The following PAX5 variants were observed in gnomAD, a reference collection of about 807,000 sequenced individuals.
The protein encoded by PAX5 is paired box protein Pax-5.
Under a neutral mutation model 43.7 loss-of-function variants are expected in PAX5, and 9 were observed. The observed-to-expected ratio is 0.21, with a 90% CI of 0.12 to 0.36. The LOEUF is 0.36. PAX5 is among the 10% of genes least tolerant of loss of function. The probability of loss-of-function intolerance (pLI) is 1.00; values close to 1 mark genes in which losing one functional copy is unlikely to be tolerated. For synonymous variants in PAX5, 228 were observed against 214.3 expected, an observed-to-expected ratio of 1.06 and a Z score of -0.56; for missense variants, 383 against 532.7, an observed-to-expected ratio of 0.72 and a Z score of 2.77.
At chr9:36,861,821 C>T (rs889783995) in intron 8 of PAX5, among the ~76,000 whole-genome samples, 4 of 151,974 alleles carry the variant, frequency 2.6e-5, no homozygotes, top group Non-Finnish European at 2.9e-5. Flanking sequence ...ACAGGAGGGA[C>T]GTGTCCTGAC....
chr9:36,871,836 A>G (rs1394415685), intron 8 of PAX5, among the ~76,000 whole-genome samples: 1 of 152,158 alleles, frequency 6.6e-6, no homozygotes, highest in East Asian at 1.9e-4. Context: ...AGCACTGCAC[A>G]CTTCCCAGGC....
chr9:36,895,970 C>A (rs992516187), intron 7 of PAX5, among the ~76,000 whole-genome samples: 7 of 152,136 alleles, frequency 4.6e-5, no homozygotes, highest in African/African-American at 1.7e-4. Flanking sequence ...GACTAGGAGT[C>A]AGAAAACCCC....
At chr9:37,028,665 A>G (rs1330451272) in intron 1 of PAX5, among the ~76,000 whole-genome samples, 1 of 152,208 alleles carries the variant, frequency 6.6e-6, no homozygotes, top group Non-Finnish European at 1.5e-5. Context: ...TGAGAACCGA[A>G]TGAGCCAAGT....
chr9:37,000,399 C>T (rs1452819472), intron 5 of PAX5, among the ~76,000 whole-genome samples: 1 of 152,124 alleles, frequency 6.6e-6, no homozygotes. Flanking sequence ...GACTGGACTG[C>T]CCCCTAAGTC....
At chr9:36,849,447 G>A in intron 8 of PAX5, among the ~76,000 whole-genome samples, 1 of 152,198 alleles carries the variant, frequency 6.6e-6, no homozygotes, top group East Asian at 1.9e-4. Flanking sequence ...AGTTTTGTCT[G>A]TTCACGTGTT....
intron 8 of PAX5, among the ~76,000 whole-genome samples, chr9:36,865,955 C>G (rs1328956187): frequency 6.6e-6 from 1 of 152,226 alleles, no homozygotes; most frequent in Non-Finnish European, 1.5e-5. Flanking sequence ...CATCCTCGGG[C>G]AGGTGGGGTG....
chr9:36,848,931 T>C (rs1563887407), intron 8 of PAX5, among the ~76,000 whole-genome samples: 1 of 152,210 alleles, frequency 6.6e-6, no homozygotes, highest in Non-Finnish European at 1.5e-5. Context: ...CTTCATAGGA[T>C]GTGCCTAAGT....
At chr9:36,910,991 G>A (rs933330375) in intron 7 of PAX5, among the ~76,000 whole-genome samples, 10 of 152,184 alleles carry the variant, frequency 6.6e-5, no homozygotes, top group African/African-American at 2.2e-4. Flanking sequence ...TGTAATTTCT[G>A]CCAGAATGCC....
rs1318621855 is a variant in PAX5 at position 36,838,897 on chromosome 9, C to T, written c.*1663G>A. ...ACATGTGGCCAGGACCAGGACAAGACCTGCCTGGCCTGCTGATCCCAAGTC... is the reference window on the plus strand; with the variant it reads ...ACATGTGGCCAGGACCAGGACAAGATCTGCCTGGCCTGCTGATCCCAAGTC... On this transcript the variant is annotated 3_prime_UTR_variant, in exon 10 of 10. Coordinates refer to ENST00000358127, the MANE Select transcript of PAX5 (RefSeq NM_016734.3). The T allele has an allele frequency of 8.6e-6, 2 of 233,244 alleles. No individual in the cohort carries two copies. Among genetic ancestry groups the T allele is most frequent in the Non-Finnish European group, 1.7e-5 (2 of 118,112 alleles). 14.4% of individuals were successfully genotyped at this position (233,244 alleles called of 1,614,324 possible).
At chr9:36,842,044 C>T (rs1822107542) in intron 9 of PAX5, among the ~76,000 whole-genome samples, 1 of 152,182 alleles carries the variant, frequency 6.6e-6, no homozygotes, top group East Asian at 1.9e-4. Context: ...TCCCCATCAC[C>T]CCAAGGAGGC....
chr9:37,008,397 C>T (rs1365347789), intron 3 of PAX5, among the ~76,000 whole-genome samples: 1 of 152,226 alleles, frequency 6.6e-6, no homozygotes, highest in African/African-American at 2.4e-5. Context: ...ATGCAACATT[C>T]TGTGAGAAGC....
intron 7 of PAX5, among the ~76,000 whole-genome samples, chr9:36,920,803 C>CTTTT (rs58220286): frequency 2.2e-5 from 2 of 91,224 alleles, no homozygotes; most frequent in Non-Finnish European, 4.4e-5. Context: ...ATAGACATAG[C>CTTTT]TTTTTTTTTT....
chr9:36,882,728 C>T lies in PAX5; in HGVS notation c.911-623G>A, dbSNP rs572972689. Among the ~76,000 whole-genome samples, 41 of 152,354 alleles carry T rather than the reference C, an allele frequency of 2.7e-4. No homozygotes were observed. Among genetic ancestry groups the T allele is most frequent in the African/African-American group, 4.6e-4 (19 of 41,580 alleles). Reference sequence around the variant, plus strand: ...CATTCAGTGAAGATGCAGGAAGCACCTCCCAGTGCCAAACACTGTTCTGGC... The same window carrying T: ...CATTCAGTGAAGATGCAGGAAGCACTTCCCAGTGCCAAACACTGTTCTGGC... On this transcript the variant is annotated intron_variant, in intron 7 of 9. Coordinates refer to ENST00000358127, the MANE Select transcript of PAX5 (RefSeq NM_016734.3). The surrounding 1 kb of genome is among the most constrained non-coding windows in gnomAD (Gnocchi z 4.4).
intron 5 of PAX5, among the ~76,000 whole-genome samples, chr9:36,998,727 G>A (rs1837606810): frequency 6.6e-6 from 1 of 152,220 alleles, no homozygotes; most frequent in Non-Finnish European, 1.5e-5. Context: ...GTTTTGGTAG[G>A]ACTACATCTA....
intron 4 of PAX5, among the ~76,000 whole-genome samples, chr9:37,005,905 TGTCGG>T (rs1238568426): frequency 6.6e-6 from 1 of 152,230 alleles, no homozygotes; most frequent in Non-Finnish European, 1.5e-5. Context: ...ACTCCCACTC[TGTCGG>T]GTCACAGCCA....
intron 6 of PAX5, among the ~76,000 whole-genome samples, chr9:36,948,477 T>G (rs1415283429): frequency 2.6e-5 from 4 of 152,228 alleles, no homozygotes; most frequent in Non-Finnish European, 4.4e-5. Flanking sequence ...TTAAATTGTT[T>G]GTTTGTAGGG....
chr9:37,027,664 C>T (rs1840549618), intron 1 of PAX5, among the ~76,000 whole-genome samples: 1 of 152,306 alleles, frequency 6.6e-6, no homozygotes, highest in East Asian at 1.9e-4. Context: ...TGCGCCACCG[C>T]GCCGCCCCGG....
chr9:37,033,921 CGTG>C (rs1427483377), intron 1 of PAX5, 62 bp downstream of exon 1: 1 of 1,511,124 alleles, frequency 6.6e-7, no homozygotes, highest in Admixed American at 1.7e-5. Context: ...GGTCACCCTG[CGTG>C]GGGACCAAGG....
At chr9:36,878,749 C>A (rs1826140691) in intron 8 of PAX5, among the ~76,000 whole-genome samples, 1 of 152,216 alleles carries the variant, frequency 6.6e-6, no homozygotes, top group Non-Finnish European at 1.5e-5. Context: ...ACAATGTCCA[C>A]AGGCCACCCA....
Sources: gnomAD v4.1 joint callset for allele counts (sites outside exome capture counted in the v4.1 genomes callset) on GRCh38, gnomAD v4.1.1 for gene constraint, Gnocchi (gnomAD v3.1) non-coding constraint, MANE v1.5 for transcripts, NCBI Gene and HGNC (gene_info 2026-07-23, HGNC 2026-07-21) for gene names.